EFR3A: variants seen among roughly 807,000 people sequenced by gnomAD.
EFR3A encodes protein EFR3 homolog A.
In EFR3A, 76 loss-of-function variants were observed where a neutral mutation model predicts 104.4. The observed-to-expected ratio is 0.73, with a 90% CI of 0.60 to 0.88. EFR3A has a LOEUF of 0.88. EFR3A is among the 40% of genes least tolerant of loss of function. The pLI, the probability that EFR3A is intolerant of heterozygous loss-of-function variation, is 0.00. For synonymous variants in EFR3A, 330 were observed against 330.0 expected (o/e 1.00, Z 0.00); for missense variants, 985 against 1,012.5 (o/e 0.97, Z 0.37).
At chr8:131,958,389 T>C (rs2130641396) in intron 7 of EFR3A, among the ~76,000 whole-genome samples, 1 of 152,310 alleles carries the variant, frequency 6.6e-6, no homozygotes, top group South Asian at 2.1e-4. Context: ...CTGTAAATTC[T>C]CTGAATGTGT....
At chr8:131,904,759 A>G (rs1279439836) in intron 1 of EFR3A, among the ~76,000 whole-genome samples, 1 of 152,174 alleles carries the variant, frequency 6.6e-6, no homozygotes, top group Non-Finnish European at 1.5e-5. Flanking sequence ...GCCGCCAGAC[A>G]GACCCCCGAC....
At chr8:131,996,716 CATT>C (rs757150964) in intron 19 of EFR3A, among the ~76,000 whole-genome samples, 7 of 151,978 alleles carry the variant, frequency 4.6e-5, no homozygotes, top group African/African-American at 9.7e-5. Context: ...ATAAACCTAA[CATT>C]ATATGTTATG....
intron 1 of EFR3A, chr8:131,938,369 A>G (rs1161620153): frequency 5.1e-6 from 2 of 396,004 alleles, no homozygotes; most frequent in Non-Finnish European, 8.9e-6. Context: ...TAGAATATTC[A>G]TATTTATTTA....
At chr8:131,991,279 C>T (rs1821168035) in intron 18 of EFR3A, among the ~76,000 whole-genome samples, 1 of 152,116 alleles carries the variant, frequency 6.6e-6, no homozygotes, top group African/African-American at 2.4e-5. Flanking sequence ...CACTGTGTCC[C>T]TCCCACAACA....
At chr8:131,986,104 G>GT (rs200700059) in intron 16 of EFR3A, 90 bp from the exon 17 acceptor site, 1,061 of 536,702 alleles carry the variant, frequency 2.0e-3, no homozygotes, top group South Asian at 3.9e-3. Flanking sequence ...GTTTAAAGTT[G>GT]TTTTTTTTTA....
chr8:131,955,439 T>C (rs1818927990), intron 6 of EFR3A, among the ~76,000 whole-genome samples: 1 of 152,138 alleles, frequency 6.6e-6, no homozygotes, highest in Non-Finnish European at 1.5e-5. Context: ...AAAGATGGTC[T>C]CTGGGCCCTG....
intron 4 of EFR3A, among the ~76,000 whole-genome samples, chr8:131,948,587 G>A (rs1044811958): frequency 6.6e-5 from 10 of 152,096 alleles, no homozygotes; most frequent in African/African-American, 1.9e-4. Flanking sequence ...GTTTACATTA[G>A]GTGAGGAATG....
intron 1 of EFR3A, among the ~76,000 whole-genome samples, chr8:131,916,372 G>T (rs1327070262): frequency 1.3e-5 from 2 of 152,154 alleles, no homozygotes; most frequent in African/African-American, 2.4e-5. Context: ...AGGGAGAAAG[G>T]GGAGTAAGGA....
intron 1 of EFR3A, 57 bp from the exon 2 acceptor site, chr8:131,940,442 A>C: frequency 2.0e-6 from 3 of 1,468,316 alleles, no homozygotes; most frequent in Non-Finnish European, 2.7e-6. Context: ...TTGAATTTCC[A>C]GGCCTGTTTA....
chr8:131,985,463 T>G (rs951439339), intron 16 of EFR3A, among the ~76,000 whole-genome samples: 1 of 152,224 alleles, frequency 6.6e-6, no homozygotes, highest in Non-Finnish European at 1.5e-5. Flanking sequence ...CAGAGAATTG[T>G]CTTGTGTCTT....
intron 1 of EFR3A, among the ~76,000 whole-genome samples, chr8:131,927,352 G>C (rs1426421755): frequency 6.6e-6 from 1 of 152,134 alleles, no homozygotes; most frequent in Non-Finnish European, 1.5e-5. Flanking sequence ...TATTTGCTCA[G>C]TATCCAAGCT....
chr8:131,980,835 C>A (rs1380520082), intron 14 of EFR3A, among the ~76,000 whole-genome samples: 1 of 152,002 alleles, frequency 6.6e-6, no homozygotes, highest in African/African-American at 2.4e-5. Flanking sequence ...TTTCAGGCCC[C>A]AGCTCTTGCT....
chr8:132,001,485 AGG>A (rs1821778114), intron 19 of EFR3A, among the ~76,000 whole-genome samples: 1 of 152,194 alleles, frequency 6.6e-6, no homozygotes, highest in Non-Finnish European at 1.5e-5. Context: ...CTGTAATTCA[AGG>A]GTGGTTTTGT....
At chr8:131,968,682 A>G (rs1052978781) in intron 9 of EFR3A, among the ~76,000 whole-genome samples, 3 of 152,096 alleles carry the variant, frequency 2.0e-5, no homozygotes, top group Non-Finnish European at 4.4e-5. Flanking sequence ...TTGATTATAT[A>G]CTGAACATTG....
At chr8:131,971,991 G>A (rs1820079460) in intron 10 of EFR3A, among the ~76,000 whole-genome samples, 2 of 152,104 alleles carry the variant, frequency 1.3e-5, no homozygotes, top group African/African-American at 2.4e-5. Flanking sequence ...TCTTTACCAT[G>A]ATGGCTGCAA....
intron 1 of EFR3A, among the ~76,000 whole-genome samples, chr8:131,914,094 A>G (rs1330839882): frequency 6.6e-6 from 1 of 152,226 alleles, no homozygotes; most frequent in African/African-American, 2.4e-5. Flanking sequence ...TTCTTGCATT[A>G]TCATCCCACC....
chr8:131,918,202 G>A (rs755038482), intron 1 of EFR3A, among the ~76,000 whole-genome samples: 11 of 152,136 alleles, frequency 7.2e-5, no homozygotes, highest in Non-Finnish European at 1.3e-4. Flanking sequence ...CAGGAGAATC[G>A]CATGAACCCG....
chr8:131,972,379 A>T (rs189818345), intron 10 of EFR3A, among the ~76,000 whole-genome samples: 1 of 150,942 alleles, frequency 6.6e-6, no homozygotes, highest in African/African-American at 2.4e-5. Flanking sequence ...TTTTTAGTGG[A>T]TAGTAGTATT....
chr8:131,925,858 AT>A (rs1326498032), intron 1 of EFR3A, among the ~76,000 whole-genome samples: 2 of 152,066 alleles, frequency 1.3e-5, no homozygotes, highest in African/African-American at 4.8e-5. Flanking sequence ...CCCCTCCCAA[AT>A]TTTGCTAAGG....
Sources: allele counts gnomAD v4.1 joint callset (sites outside exome capture counted in the v4.1 genomes callset), GRCh38; gene constraint gnomAD v4.1.1; transcripts MANE v1.5; gene names NCBI Gene and HGNC (gene_info 2026-07-23, HGNC 2026-07-21).